XPR1: variants seen among roughly 807,000 people sequenced by gnomAD.
XPR1 encodes the protein solute carrier family 53 member 1.
In XPR1, 28 loss-of-function variants were observed where a neutral mutation model predicts 87.5. The observed-to-expected ratio is 0.32, with a 90% confidence interval of 0.24 to 0.44. The LOEUF (loss-of-function observed/expected upper bound fraction) is 0.44, where lower values mean the gene tolerates loss of function less well. XPR1 is among the 20% of genes least tolerant of loss of function. The pLI, the probability that XPR1 is intolerant of heterozygous loss-of-function variation, is 1.00. For missense variants in XPR1, 559 were observed against 862.3 expected (o/e 0.65, Z 4.41); for synonymous variants, 300 against 306.1 (o/e 0.98, Z 0.21).
At chr1:180,703,661 G>C (rs1029396320) in intron 2 of XPR1, among the ~76,000 whole-genome samples, 1 of 152,088 alleles carries the variant, frequency 6.6e-6, no homozygotes, top group African/African-American at 2.4e-5. Context: ...TGTTTTATGT[G>C]TATTTTAAGA....
chr1:180,711,767 T>C (rs1263697268), intron 2 of XPR1, among the ~76,000 whole-genome samples: 1 of 152,258 alleles, frequency 6.6e-6, no homozygotes, highest in Non-Finnish European at 1.5e-5. Flanking sequence ...TCAAATCTTA[T>C]AATTCTTTGC....
At chr1:180,782,245 C>A (rs887224228) in intron 2 of XPR1, among the ~76,000 whole-genome samples, 1 of 151,926 alleles carries the variant, frequency 6.6e-6, no homozygotes, top group African/African-American at 2.4e-5. Context: ...CTTGCTCTCT[C>A]TGAACTAGGC....
intron 2 of XPR1, among the ~76,000 whole-genome samples, chr1:180,715,620 A>C (rs1482473481): frequency 6.6e-6 from 1 of 152,178 alleles, no homozygotes; most frequent in Non-Finnish European, 1.5e-5. Context: ...TCTGTATGGG[A>C]AAAGGTCAAT....
intron 2 of XPR1, among the ~76,000 whole-genome samples, chr1:180,756,206 G>A (rs4652527): frequency 0.35 from 52,777 of 151,984 alleles, 9,561 homozygotes; most frequent in Non-Finnish European, 0.39. Context: ...GAATTGAGGC[G>A]CATTTTACAA....
At position 180,760,327 on chromosome 1, in the gene XPR1, G is replaced by C. The variant is rs554672060; in HGVS notation, c.122-27426G>C. The stretch of plus-strand genomic sequence containing the variant: ...TAGGAAAAGAGGAAGTCACATTGTC[G>C]CTGTTTGCAGATGACATGATTGTAT... On this transcript the variant is annotated intron_variant, in intron 2 of 14. Transcript: ENST00000367590. 4.5e-4 allele frequency among the ~76,000 whole-genome samples: 69 copies of C among 152,210 alleles called. 1 individual carries two copies. The South Asian group carries it at 0.012, about 26-fold the overall frequency.
chr1:180,716,354 T>C (rs546589736), intron 2 of XPR1, among the ~76,000 whole-genome samples: 5 of 152,254 alleles, frequency 3.3e-5, no homozygotes, highest in African/African-American at 1.2e-4. Context: ...CTTGCAGAGT[T>C]CTAGGATTAT....
At chr1:180,739,158 G>T (rs941882987) in intron 2 of XPR1, among the ~76,000 whole-genome samples, 3 of 152,092 alleles carry the variant, frequency 2.0e-5, no homozygotes, top group Admixed American at 2.0e-4. Flanking sequence ...TGAATTGCCT[G>T]TGCACCTTTG....
chr1:180,661,762 C>G (rs1404038417), intron 1 of XPR1, among the ~76,000 whole-genome samples: 1 of 152,104 alleles, frequency 6.6e-6, no homozygotes, highest in African/African-American at 2.4e-5. Context: ...GTAGTCCCAG[C>G]TAATCAGGAG....
At chr1:180,766,150 T>G (rs1648275632) in intron 2 of XPR1, among the ~76,000 whole-genome samples, 1 of 152,216 alleles carries the variant, frequency 6.6e-6, no homozygotes, top group African/African-American at 2.4e-5. Context: ...ATTTGTTGTC[T>G]TATTTAATAT....
intron 2 of XPR1, among the ~76,000 whole-genome samples, chr1:180,742,021 T>G (rs923661494): frequency 6.6e-6 from 1 of 152,136 alleles, no homozygotes; most frequent in Middle Eastern, 3.2e-3. Flanking sequence ...GTAATTTGTG[T>G]CTTTTCTTTT....
At chr1:180,726,465 A>T (rs971374681) in intron 2 of XPR1, among the ~76,000 whole-genome samples, 5 of 152,168 alleles carry the variant, frequency 3.3e-5, no homozygotes, top group African/African-American at 1.2e-4. Context: ...AGTCAGCAAG[A>T]CCAAGAACCC....
intron 3 of XPR1, among the ~76,000 whole-genome samples, chr1:180,801,732 T>C (rs534843353): frequency 1.1e-3 from 163 of 152,026 alleles, no homozygotes; most frequent in Non-Finnish European, 2.0e-3. Flanking sequence ...AATAATTCTT[T>C]GTTATTATTA....
At chr1:180,783,577 T>G (rs1465183880) in intron 2 of XPR1, among the ~76,000 whole-genome samples, 1 of 152,052 alleles carries the variant, frequency 6.6e-6, no homozygotes, top group Non-Finnish European at 1.5e-5. Flanking sequence ...TGTACATATT[T>G]TCCATTAATG....
intron 6 of XPR1, among the ~76,000 whole-genome samples, chr1:180,810,278 A>T (rs1650160980): frequency 6.6e-6 from 1 of 152,174 alleles, no homozygotes; most frequent in Non-Finnish European, 1.5e-5. Flanking sequence ...TGAAAAATTT[A>T]CTTTAAATTA....
intron 1 of XPR1, among the ~76,000 whole-genome samples, chr1:180,679,710 AAAAAAC>A (rs373581905): frequency 2.6e-5 from 4 of 152,266 alleles, no homozygotes; most frequent in East Asian, 3.9e-4. Context: ...GTTTTGGGGG[AAAAAAC>A]AAAAACAAAA....
chr1:180,860,477 A>G (rs1652183234), intron 11 of XPR1, among the ~76,000 whole-genome samples: 1 of 152,188 alleles, frequency 6.6e-6, no homozygotes. Flanking sequence ...GTAAATGGAT[A>G]AACAATTTGT....
intron 1 of XPR1, among the ~76,000 whole-genome samples, chr1:180,652,477 C>T (rs188998986): frequency 2.3e-4 from 35 of 152,302 alleles, no homozygotes; most frequent in Middle Eastern, 6.8e-3. Flanking sequence ...ACTTAGTCTT[C>T]TGTCTGATCT....
intron 3 of XPR1, among the ~76,000 whole-genome samples, chr1:180,793,244 A>C (rs549033565): frequency 1.2e-4 from 19 of 152,180 alleles, no homozygotes; most frequent in Admixed American, 3.9e-4. Flanking sequence ...TTCTTATTAT[A>C]TAGTTATTCC....
rs760746684 is a variant in XPR1 at position 180,720,018 on chromosome 1, A to AT, written c.121+37616dup. On this transcript the variant is annotated intron_variant, in intron 2 of 14. Transcript: ENST00000367590. Reference sequence around the variant, plus strand: ...ATTGATGTGTTTTAGCATCTTTCTAATTTTTTTTTCTTGGGGATTAGTAGA... The same window carrying AT: ...ATTGATGTGTTTTAGCATCTTTCTAATTTTTTTTTTCTTGGGGATTAGTAGA... Among the ~76,000 whole-genome samples the AT allele has an allele frequency of 1.5e-3, 231 of 151,596 alleles. 1 individual carries two copies. The highest frequency in any genetic ancestry group is 2.5e-3 in the Non-Finnish European group (170 of 67,848).
Sources: gnomAD v4.1 joint callset for allele counts (sites outside exome capture counted in the v4.1 genomes callset) on GRCh38, gnomAD v4.1.1 for gene constraint, MANE v1.5 for transcripts, NCBI Gene and HGNC (gene_info 2026-07-23, HGNC 2026-07-21) for gene names.